Variants in TAS2R5 observed in about 807,000 individuals in gnomAD.
The protein encoded by TAS2R5 is taste receptor type 2 member 5.
Under a neutral mutation model 14.4 loss-of-function variants are expected in TAS2R5, and 11 were observed. The ratio of observed to expected loss-of-function variants is 0.77; its 90% CI spans 0.48 to 1.27. The LOEUF is 1.27. Ranked by LOEUF, TAS2R5 falls within the 50% of genes most tolerant of loss-of-function variation. The probability of loss-of-function intolerance (pLI) is 0.00; values close to 1 mark genes in which losing one functional copy is unlikely to be tolerated. For synonymous variants in TAS2R5, 120 were observed against 137.1 expected (o/e 0.87, Z 0.87); for missense variants, 339 against 353.9 (o/e 0.96, Z 0.34).
chr7:141,791,334 C>T lies in TAS2R5; in HGVS notation c.*73C>T, dbSNP rs1800448398. 1 of 1,432,372 alleles carries T rather than the reference C, an allele frequency of 7.0e-7. No individual in the cohort carries two copies. Among genetic ancestry groups the T allele is most frequent in the Non-Finnish European group, 9.4e-7 (1 of 1,063,166 alleles). The allele number at this position is 1,432,372 out of a possible 1,614,324, so 88.7% of individuals were successfully genotyped here. Reference sequence around the variant, plus strand: ...TAGCTCTCTATAAGGGAGCTGCTTTCCATGTCTTTTAAGATTTTCCTTCTT... The same window carrying T: ...TAGCTCTCTATAAGGGAGCTGCTTTTCATGTCTTTTAAGATTTTCCTTCTT... On this transcript the variant is annotated 3_prime_UTR_variant, in exon 1 of 1. Coordinates refer to ENST00000247883, the MANE Select transcript of TAS2R5 (RefSeq NM_018980.3).
At position 141,791,327 on chromosome 7, in the gene TAS2R5, C is replaced by T; in HGVS notation, c.*66C>T. On this transcript the variant is annotated 3_prime_UTR_variant, in exon 1 of 1. Coordinates refer to ENST00000247883, the MANE Select transcript of TAS2R5 (RefSeq NM_018980.3). Reference sequence around the variant, plus strand: ...CTTTTGATAGCTCTCTATAAGGGAGCTGCTTTCCATGTCTTTTAAGATTTT... The same window carrying T: ...CTTTTGATAGCTCTCTATAAGGGAGTTGCTTTCCATGTCTTTTAAGATTTT... The T allele has an allele frequency of 6.9e-7, 1 of 1,459,188 alleles. No homozygotes were observed. Among genetic ancestry groups the T allele is most frequent in the Non-Finnish European group, 9.2e-7 (1 of 1,085,418 alleles). 90.4% of individuals were successfully genotyped at this position (1,459,188 alleles called of 1,614,324 possible). A position where few individuals can be genotyped will look rare whatever the true frequency, so the allele number is the denominator to read the frequency against.
At position 141,790,993 on chromosome 7, in the gene TAS2R5, A is replaced by T; in HGVS notation, c.632A>T (p.Asp211Val). 6.2e-7 allele frequency: 1 copy of T among 1,614,072 alleles called. No homozygotes were observed. Among genetic ancestry groups the T allele is most frequent in the Non-Finnish European group, 8.5e-7 (1 of 1,180,024 alleles). The change falls in exon 1 of 1, where the codon GAT (aspartate) becomes GTT (valine). Residue 211 changes from aspartate to valine, a missense_variant. Coordinates refer to ENST00000247883, the MANE Select transcript of TAS2R5 (RefSeq NM_018980.3). ...AAGGTCCATTCAGCTGGTAGGAGGG[A>T]TGTCCGGGCCAAGGCTCACATCACT... ...KMKVHSAGRRDVRAKAHITAL... is the reference protein window; with the variant it reads ...KMKVHSAGRRVVRAKAHITAL...
Position 141,790,355 on chromosome 7 carries a change from C to T in TAS2R5, c.-7C>T, listed in dbSNP as rs1404331418. On this transcript the variant is annotated 5_prime_UTR_variant, in exon 1 of 1. Transcript: ENST00000247883. ...CCAGGAGCAGTGAGAGCCTCCTCTCCCCAGCCATGCTGAGCGCTGGCCTAG... is the reference window on the plus strand; with the variant it reads ...CCAGGAGCAGTGAGAGCCTCCTCTCTCCAGCCATGCTGAGCGCTGGCCTAG... The T allele has an allele frequency of 6.2e-7, 1 of 1,612,278 alleles. No individual in the cohort carries two copies. The highest frequency in any genetic ancestry group is 8.5e-7 in the Non-Finnish European group (1 of 1,179,040).
Position 141,791,015 on chromosome 7 carries a change from C to T in TAS2R5, c.654C>T (p.Ile218=), listed in dbSNP as rs755350481. 1.9e-6 allele frequency: 3 copies of T among 1,614,192 alleles called. No individual in the cohort carries two copies. Among genetic ancestry groups the T allele is most frequent in the Non-Finnish European group, 2.5e-6 (3 of 1,180,040 alleles). Reference sequence around the variant, plus strand: ...GGGATGTCCGGGCCAAGGCTCACATCACTGCGCTGAAGTCCTTGGGCTGCT... The same window carrying T: ...GGGATGTCCGGGCCAAGGCTCACATTACTGCGCTGAAGTCCTTGGGCTGCT... The part of the protein sequence containing the change: ...GRRDVRAKAH[I]TALKSLGCFL... The change falls in exon 1 of 1, where the codon ATC becomes ATT. Residue 218 remains isoleucine (I), a synonymous_variant. Coordinates refer to ENST00000247883, the MANE Select transcript of TAS2R5 (RefSeq NM_018980.3).
rs142235954 is a variant in TAS2R5, at chr7:141,790,597, G to A, written c.236G>A (p.Arg79His). The stretch of plus-strand genomic sequence containing the variant: ...CTTTTCCAGAGCAGCCGTTGGCTTC[G>A]CTATCTTAGTATCTTCTGGGTCCTG... ...FPLFQSSRWL[R>H]YLSIFWVLVS... is the part of the protein sequence containing the mutation. Residue 79 changes from arginine (R) to histidine (H), a missense_variant, in exon 1 of 1, where the codon CGC becomes CAC. Arg to His is a conservative substitution (Grantham distance 29). Transcript: ENST00000247883. The A allele has an allele frequency of 1.1e-5, 17 of 1,614,014 alleles. No homozygotes were observed. The highest frequency in any genetic ancestry group is 7.7e-5 in the South Asian group (7 of 91,080).
In TAS2R5 at chr7:141,790,901, T is replaced by G; in HGVS notation, c.540T>G (p.Pro180=). The G allele has an allele frequency of 6.2e-7, 1 of 1,614,198 alleles. No individual in the cohort carries two copies. ...AFQLNSGSYL[P]LVVFLVSSGM... The stretch of plus-strand genomic sequence containing the variant: ...AGCTCAATTCAGGAAGTTATTTGCC[T>G]TTAGTGGTGTTTCTTGTTTCCTCTG... Residue 180 remains proline (P), a synonymous_variant, in exon 1 of 1, where the codon CCT becomes CCG. Coordinates refer to ENST00000247883, the MANE Select transcript of TAS2R5 (RefSeq NM_018980.3).
chr7:141,790,438 G>T lies in TAS2R5; in HGVS notation c.77G>T (p.Ser26Ile), dbSNP rs2227264. 777,786 of 1,613,890 alleles carry T rather than the reference G, an allele frequency of 0.48. 190,670 individuals are homozygous for T. Among genetic ancestry groups the T allele is most frequent in the East Asian group, 0.71 (32,084 of 44,878 alleles). The change falls in exon 1 of 1, where the codon AGC (serine) becomes ATC (isoleucine). Residue 26 changes from serine to isoleucine, a missense_variant. Coordinates refer to ENST00000247883, the MANE Select transcript of TAS2R5 (RefSeq NM_018980.3). ...EFLIGLIGNG[S>I]LVVWSFREWI... ...CTCATCGGTTTAATTGGAAATGGAA[G>T]CCTGGTGGTCTGGAGTTTTAGAGAA...
chr7:141,791,211 C>T, the TAS2R5 span: 6 of 1,614,016 alleles, frequency 3.7e-6, no homozygotes, highest in Non-Finnish European at 5.1e-6. Flanking sequence ...GCAGACTTGT[C>T]AGAAGATCCT....
At position 141,790,895 on chromosome 7, in the gene TAS2R5, T is replaced by C. The variant is rs1353749297; in HGVS notation, c.534T>C (p.Tyr178=). Residue 178 remains tyrosine, a synonymous_variant, in exon 1 of 1, where the codon TAT becomes TAC. Transcript: ENST00000247883. ...LYAFQLNSGS[Y]LPLVVFLVSS... ...CATTTCAGCTCAATTCAGGAAGTTA[T>C]TTGCCTTTAGTGGTGTTTCTTGTTT... 6.2e-7 allele frequency: 1 copy of C among 1,614,080 alleles called. No homozygotes were observed. Among genetic ancestry groups the C allele is most frequent in the East Asian group, 2.2e-5 (1 of 44,882 alleles).
rs760015930 is a variant in TAS2R5 at position 141,791,257 on chromosome 7, C to T, written c.896C>T (p.Pro299Leu). 5.0e-6 allele frequency: 8 copies of T among 1,610,628 alleles called. No individual in the cohort carries two copies. In the South Asian group the frequency reaches 8.8e-5, roughly 18 times the overall value. The change falls in exon 1 of 1, where the codon CCA (proline) becomes CTA (leucine). Residue 299 changes from proline to leucine, a missense_variant. Physicochemically the swap from Pro to Leu is moderately conservative, Grantham distance 98 (BLOSUM62 -3). Coordinates refer to ENST00000247883, the MANE Select transcript of TAS2R5 (RefSeq NM_018980.3). ...KTVCARRCWGP is the reference protein window; with the variant it reads ...KTVCARRCWGL ...GTGTGTGCTCGGAGATGCTGGGGCC[C>T]ATGATCTGGGAAGAAAAGTGTGGTC... is the stretch of plus-strand genomic sequence containing the variant.
In TAS2R5 at chr7:141,791,340, CTT is replaced by C; in HGVS notation, c.*82_*83del. ...TCTATAAGGGAGCTGCTTTCCATGT[CTT>C]TTAAGATTTTCCTTCTTTTACACCA... is the stretch of plus-strand genomic sequence containing the variant. On this transcript the variant is annotated 3_prime_UTR_variant, in exon 1 of 1. Coordinates refer to ENST00000247883, the MANE Select transcript of TAS2R5 (RefSeq NM_018980.3). The C allele has an allele frequency of 7.0e-7, 1 of 1,418,686 alleles. No homozygotes were observed. Among genetic ancestry groups the C allele is most frequent in the Non-Finnish European group, 9.5e-7 (1 of 1,052,894 alleles). The allele number at this position is 1,418,686 out of a possible 1,614,324, so 87.9% of individuals were successfully genotyped here.
rs762682112 is a variant in TAS2R5 at position 141,790,805 on chromosome 7, C to G, written c.444C>G (p.Phe148Leu). 1.4e-5 allele frequency: 22 copies of G among 1,614,030 alleles called. No individual in the cohort carries two copies. The highest frequency in any genetic ancestry group is 1.8e-5 in the Non-Finnish European group (21 of 1,180,018). Reference protein sequence around the residue: ...LLLTVQIGLTFYHPPQGNSSI... With the variant: ...LLLTVQIGLTLYHPPQGNSSI... ...TTACAGTCCAAATTGGCTTAACATT[C>G]TATCATCCTCCCCAAGGAAACAGCA... Residue 148 changes from phenylalanine (F) to leucine (L), a missense_variant, in exon 1 of 1, where the codon TTC becomes TTG. By Grantham distance (22) the Phe-to-Leu change is conservative. Coordinates refer to ENST00000247883, the MANE Select transcript of TAS2R5 (RefSeq NM_018980.3).
rs564949015 is a variant in TAS2R5, at chr7:141,790,222, G to C, written c.-140G>C. 1.4e-5 allele frequency: 12 copies of C among 859,058 alleles called. No individual in the cohort carries two copies. The highest frequency in any genetic ancestry group is 1.4e-4 in the African/African-American group (8 of 59,084). 53.2% of individuals were successfully genotyped at this position (859,058 alleles called of 1,614,324 possible). On this transcript the variant is annotated 5_prime_UTR_variant, in exon 1 of 1. Coordinates refer to ENST00000247883, the MANE Select transcript of TAS2R5 (RefSeq NM_018980.3). ...AACCTCTCTGTTCCTCATCACAGCT[G>C]TTCAGTCTCGCTTGAAGACAGATTA...
chr7:141,790,649 C>T lies in TAS2R5; in HGVS notation c.288C>T (p.Ala96=). Residue 96 remains alanine (A), a synonymous_variant, in exon 1 of 1, where the codon GCC becomes GCT. Coordinates refer to ENST00000247883, the MANE Select transcript of TAS2R5 (RefSeq NM_018980.3). ...VLVSQASLWF[A]TFLSVFYCKK... is the part of the protein sequence containing the mutation. ...TAAGCCAGGCCAGCTTATGGTTTGC[C>T]ACCTTCCTCAGTGTCTTCTATTGCA... The T allele has an allele frequency of 1.1e-5, 17 of 1,614,140 alleles. No homozygotes were observed. The highest frequency in any genetic ancestry group is 1.4e-5 in the Non-Finnish European group (17 of 1,180,032).
At position 141,790,344 on chromosome 7, in the gene TAS2R5, A is replaced by C. The variant is rs974160889; in HGVS notation, c.-18A>C. The C allele has an allele frequency of 4.4e-6, 7 of 1,608,852 alleles. No individual in the cohort carries two copies. The highest frequency in any genetic ancestry group is 1.7e-5 in the Admixed American group (1 of 59,530). ...TCTGACCTCAGCCAGGAGCAGTGAG[A>C]GCCTCCTCTCCCCAGCCATGCTGAG... is the stretch of plus-strand genomic sequence containing the variant. On this transcript the variant is annotated 5_prime_UTR_variant, in exon 1 of 1. Coordinates refer to ENST00000247883, the MANE Select transcript of TAS2R5 (RefSeq NM_018980.3).
At position 141,791,071 on chromosome 7, in the gene TAS2R5, C is replaced by T. The variant is rs749038208; in HGVS notation, c.710C>T (p.Ala237Val). 4.3e-6 allele frequency: 7 copies of T among 1,614,214 alleles called. No homozygotes were observed. The highest frequency in any genetic ancestry group is 5.9e-6 in the Non-Finnish European group (7 of 1,180,042). Residue 237 changes from alanine (A) to valine (V), a missense_variant, in exon 1 of 1, where the codon GCC becomes GTC. Coordinates refer to ENST00000247883, the MANE Select transcript of TAS2R5 (RefSeq NM_018980.3). ...TTACTTCACCTGGTTTATATCATGGCCAGCCCCTTCTCCATCACCTCCAAG... is the reference window on the plus strand; with the variant it reads ...TTACTTCACCTGGTTTATATCATGGTCAGCCCCTTCTCCATCACCTCCAAG... ...FLLLHLVYIM[A>V]SPFSITSKTY... is the part of the protein sequence containing the mutation.
At position 141,791,248 on chromosome 7, in the gene TAS2R5, G is replaced by C; in HGVS notation, c.887G>C (p.Cys296Ser). The C allele has an allele frequency of 6.2e-7, 1 of 1,612,616 alleles. No homozygotes were observed. Reference protein sequence around the residue: ...ILWKTVCARRCWGP With the variant: ...ILWKTVCARRSWGP ...TGGAAGACAGTGTGTGCTCGGAGAT[G>C]CTGGGGCCCATGATCTGGGAAGAAA... Residue 296 changes from cysteine to serine, a missense_variant, in exon 1 of 1, where the codon TGC (cysteine) becomes TCC (serine). Physicochemically the swap from Cys to Ser is moderately radical, Grantham distance 112 (BLOSUM62 -1). Transcript: ENST00000247883.
At position 141,791,134 on chromosome 7, in the gene TAS2R5, A is replaced by T; in HGVS notation, c.773A>T (p.Glu258Val). The change falls in exon 1 of 1, where the codon GAG becomes GTG. Residue 258 changes from glutamate (E) to valine (V), a missense_variant. Glu to Val is a moderately radical substitution (Grantham distance 121). Coordinates refer to ENST00000247883, the MANE Select transcript of TAS2R5 (RefSeq NM_018980.3). ...PPDLTSVFIW[E>V]TLMAAYPSLH... The stretch of plus-strand genomic sequence containing the variant: ...GATCTCACCAGTGTCTTCATCTGGG[A>T]GACACTCATGGCAGCCTATCCTTCT... 6.2e-7 allele frequency: 1 copy of T among 1,614,142 alleles called. No individual in the cohort carries two copies. The highest frequency in any genetic ancestry group is 8.5e-7 in the Non-Finnish European group (1 of 1,180,018).
At position 141,791,203 on chromosome 7, in the gene TAS2R5, A is replaced by G; in HGVS notation, c.842A>G (p.Gln281Arg). Residue 281 changes from glutamine (Q) to arginine (R), a missense_variant, in exon 1 of 1, where the codon CAG (glutamine) becomes CGG (arginine). Physicochemically the swap from Gln to Arg is conservative, Grantham distance 43. Coordinates refer to ENST00000247883, the MANE Select transcript of TAS2R5 (RefSeq NM_018980.3). ...ATCATGGGGATTCCTAGGGTGAAGC[A>G]GACTTGTCAGAAGATCCTGTGGAAG... Reference protein sequence around the residue: ...ILIMGIPRVKQTCQKILWKTV... With the variant: ...ILIMGIPRVKRTCQKILWKTV... 1 of 1,614,088 alleles carries G rather than the reference A, an allele frequency of 6.2e-7. No homozygotes were observed. Among genetic ancestry groups the G allele is most frequent in the Non-Finnish European group, 8.5e-7 (1 of 1,179,964 alleles).
Sources: gnomAD v4.1 joint callset for allele counts on GRCh38, gnomAD v4.1.1 for gene constraint, MANE v1.5 for transcripts, NCBI Gene and HGNC (gene_info 2026-07-23, HGNC 2026-07-21) for gene names.